ZFYVE26: variants seen among roughly 807,000 people sequenced by gnomAD.
The protein encoded by ZFYVE26 is zinc finger FYVE domain-containing protein 26.
A neutral mutation model predicts 276.5 loss-of-function variants in ZFYVE26; 181 were observed. The ratio of observed to expected loss-of-function variants is 0.65; its 90% confidence interval spans 0.58 to 0.74. The LOEUF is 0.74. ZFYVE26 is among the 30% of genes least tolerant of loss of function. The pLI is 0.00. For missense variants in ZFYVE26, 2,821 were observed against 3,097.9 expected (o/e 0.91, Z 2.12); for synonymous variants, 1,129 against 1,203.1 (o/e 0.94, Z 1.27).
rs527992462 is a variant in ZFYVE26 at position 67,748,491 on chromosome 14, T to C, written c.7565A>G (p.Gln2522Arg). Residue 2522 changes from glutamine (Q) to arginine (R), a missense_variant, in exon 42 of 42, where the codon CAG (glutamine) becomes CGG (arginine). Coordinates refer to ENST00000347230, the MANE Select transcript of ZFYVE26 (RefSeq NM_015346.4). ...GDAVVQDICAQWLLTSHPRGA... is the reference protein window; with the variant it reads ...GDAVVQDICARWLLTSHPRGA... ...CCGGGGGTGGCTTGTCAGAAGCCAC[T>C]GGGCACAGATGTCTTGCACTACTGC... 1.7e-5 allele frequency: 27 copies of C among 1,613,522 alleles called. No individual in the cohort carries two copies. In the South Asian group the frequency reaches 2.9e-4, roughly 17 times the overall value.
intron 28 of ZFYVE26, 148 bp downstream of exon 28, chr14:67,771,899 C>A: frequency 9.1e-7 from 1 of 1,093,718 alleles, no homozygotes; most frequent in Admixed American, 2.0e-5. Flanking sequence ...CTGGTCAGGT[C>A]AAAAATGAAC....
At chr14:67,781,604 A>C in intron 21 of ZFYVE26, 75 bp from the exon 22 acceptor site, 1 of 1,379,666 alleles carries the variant, frequency 7.2e-7, no homozygotes. Flanking sequence ...TTACTTCTTG[A>C]GAAAGGGCTT....
intron 30 of ZFYVE26, 136 bp downstream of exon 30, chr14:67,768,381 C>T: frequency 1.0e-6 from 1 of 984,102 alleles, no homozygotes; most frequent in Non-Finnish European, 1.6e-6. Flanking sequence ...ATACAAATGC[C>T]AAGAATTTGC....
chr14:67,739,538 A>G (rs1594872625), intron 13 of ZFYVE26, among the ~76,000 whole-genome samples: 1 of 150,340 alleles, frequency 6.7e-6, no homozygotes, highest in Middle Eastern at 3.4e-3. Context: ...TTTTTTTCTT[A>G]CCATTACTGC....
chr14:67,792,754 A>G (rs2039848087), intron 14 of ZFYVE26, among the ~76,000 whole-genome samples: 2 of 151,798 alleles, frequency 1.3e-5, no homozygotes, highest in South Asian at 4.2e-4. Context: ...TCTACTAAAA[A>G]TACAAAAATT....
chr14:67,781,054 A>G (rs968576964), intron 22 of ZFYVE26, among the ~76,000 whole-genome samples: 4 of 152,226 alleles, frequency 2.6e-5, no homozygotes, highest in African/African-American at 9.6e-5. Flanking sequence ...TCAAAAAGAC[A>G]TGTGAAAAAG....
chr14:67,786,997 G>A (rs1290696110), intron 16 of ZFYVE26, among the ~76,000 whole-genome samples: 1 of 152,114 alleles, frequency 6.6e-6, no homozygotes, highest in Non-Finnish European at 1.5e-5. Context: ...CAAAATAACT[G>A]AATTCATGGA....
chr14:67,731,202 T>A (rs1001905887), intron 13 of ZFYVE26, among the ~76,000 whole-genome samples: 5 of 141,362 alleles, frequency 3.5e-5, no homozygotes, highest in African/African-American at 1.3e-4. Context: ...CATATTTCTT[T>A]CTTTCTTTTT....
chr14:67,763,596 T>C (rs2038988817), intron 32 of ZFYVE26, among the ~76,000 whole-genome samples: 1 of 152,250 alleles, frequency 6.6e-6, no homozygotes, highest in African/African-American at 2.4e-5. Flanking sequence ...CCTCTGGGTT[T>C]GTGCAAGTGC....
chr14:67,806,928 TTTTA>T (rs1296368149), intron 5 of ZFYVE26, among the ~76,000 whole-genome samples: 5 of 152,260 alleles, frequency 3.3e-5, no homozygotes, highest in African/African-American at 4.8e-5. Flanking sequence ...AAACCTATAC[TTTTA>T]TTTATTTATT....
At chr14:67,784,061 T>A (rs775423012) in intron 20 of ZFYVE26, among the ~76,000 whole-genome samples, 6 of 152,220 alleles carry the variant, frequency 3.9e-5, no homozygotes, top group Non-Finnish European at 8.8e-5. Context: ...TCTAATCAAC[T>A]ATCATGTTAT....
At chr14:67,780,459 CT>C (rs2039469960) in intron 22 of ZFYVE26, 114 bp from the exon 23 acceptor site, 1 of 945,820 alleles carries the variant, frequency 1.1e-6, no homozygotes, top group Non-Finnish European at 1.6e-6. Flanking sequence ...CAAAGTCAGG[CT>C]GTCAGAACTT....
chr14:67,756,255 C>T, intron 35 of ZFYVE26, 110 bp from the exon 36 acceptor site: 1 of 1,098,654 alleles, frequency 9.1e-7, no homozygotes, highest in South Asian at 1.3e-5. Context: ...CCTCCCAATG[C>T]AGTGCTTCTT....
chr14:67,808,916 G>C (rs964002823), intron 4 of ZFYVE26, among the ~76,000 whole-genome samples: 3 of 152,174 alleles, frequency 2.0e-5, no homozygotes, highest in Admixed American at 1.3e-4. Context: ...AGAAAAGATA[G>C]TCAACGAATA....
At chr14:67,765,088 TG>T (rs2039023181) in intron 32 of ZFYVE26, among the ~76,000 whole-genome samples, 1 of 152,174 alleles carries the variant, frequency 6.6e-6, no homozygotes. Context: ...ATTCTTTTCA[TG>T]GTTATTTCAA....
At chr14:67,770,050 A>G in intron 28 of ZFYVE26, 1 of 405,192 alleles carries the variant, frequency 2.5e-6, no homozygotes, top group Non-Finnish European at 4.7e-6. Flanking sequence ...GCCAGTGCAG[A>G]TCACATTTCT....
At chr14:67,753,948 C>T (rs2038711975) in intron 38 of ZFYVE26, 123 bp downstream of exon 38, 1 of 1,548,302 alleles carries the variant, frequency 6.5e-7, no homozygotes. Context: ...TTTGGTGGCT[C>T]ATATTCTAGT....
intron 2 of ZFYVE26, among the ~76,000 whole-genome samples, 195 bp from the exon 3 acceptor site, chr14:67,814,259 C>A (rs1003042136): frequency 6.6e-6 from 1 of 152,130 alleles, no homozygotes; most frequent in Non-Finnish European, 1.5e-5. Flanking sequence ...TGGCTCACAC[C>A]GGTAATCTCA....
chr14:67,794,808 C>T (rs983814476), intron 12 of ZFYVE26, among the ~76,000 whole-genome samples: 3 of 152,086 alleles, frequency 2.0e-5, no homozygotes, highest in Admixed American at 6.6e-5. Context: ...ATTAGTTGGG[C>T]AAGGTGGCAT....
Sources: allele counts gnomAD v4.1 joint callset (sites outside exome capture counted in the v4.1 genomes callset), GRCh38; gene constraint gnomAD v4.1.1; transcripts MANE v1.5; gene names NCBI Gene and HGNC (gene_info 2026-07-23, HGNC 2026-07-21).